TRAPPC11: variants seen among roughly 807,000 people sequenced by gnomAD.
TRAPPC11 encodes the protein foie gras homolog.
In TRAPPC11, 104 loss-of-function variants were observed where a neutral mutation model predicts 151.2. That is an observed-to-expected ratio of 0.69 (90% confidence interval 0.59 to 0.81). The LOEUF is 0.81. Ranked by LOEUF, TRAPPC11 falls within the 30% of genes least tolerant of loss-of-function variation. The probability of loss-of-function intolerance (pLI) is 0.00; values close to 1 mark genes in which losing one functional copy is unlikely to be tolerated. For missense variants in TRAPPC11, 1,230 were observed against 1,349.6 expected (o/e 0.91, Z 1.39); for synonymous variants, 456 against 472.3 (o/e 0.97, Z 0.45).
chr4:183,686,111 T>C (rs1434468883), intron 17 of TRAPPC11, among the ~76,000 whole-genome samples: 2 of 152,084 alleles, frequency 1.3e-5, no homozygotes, highest in African/African-American at 4.8e-5. Flanking sequence ...GTGCTGGGAT[T>C]ACAGGCACGA....
chr4:183,696,826 C>T (rs1049414300), intron 23 of TRAPPC11, among the ~76,000 whole-genome samples: 12 of 152,150 alleles, frequency 7.9e-5, no homozygotes, highest in African/African-American at 1.7e-4. Flanking sequence ...ATGAACATTA[C>T]ATAATACATG....
chr4:183,709,970 CCAT>C (rs530360161), intron 29 of TRAPPC11, among the ~76,000 whole-genome samples: 8 of 152,262 alleles, frequency 5.3e-5, no homozygotes, highest in African/African-American at 1.9e-4. Flanking sequence ...CAGGTGGCCT[CCAT>C]AATGTCCCTT....
chr4:183,665,208 C>G (rs1207636286), intron 2 of TRAPPC11, among the ~76,000 whole-genome samples: 1 of 149,020 alleles, frequency 6.7e-6, no homozygotes, highest in African/African-American at 2.5e-5. Flanking sequence ...CATTCTCCTG[C>G]TTCAGCCTCC....
Position 183,666,352 on chromosome 4 carries a change from C to T in TRAPPC11, c.300C>T (p.Phe100=). ...TGGTGCCAGCCCTGGTGGTTGTGTT[C>T]TATGAACTGGACTGGGATGAGCCTC... The part of the protein sequence containing the change: ...LNLVPALVVV[F]YELDWDEPQW... Residue 100 remains phenylalanine, a synonymous_variant, in exon 3 of 30, where the codon TTC becomes TTT. Transcript: ENST00000334690. 2 of 1,614,084 alleles carry T rather than the reference C, an allele frequency of 1.2e-6. No individual in the cohort carries two copies. The highest frequency in any genetic ancestry group is 1.7e-6 in the Non-Finnish European group (2 of 1,179,962).
intron 17 of TRAPPC11, among the ~76,000 whole-genome samples, chr4:183,685,813 A>G (rs983214304): frequency 3.3e-5 from 5 of 151,952 alleles, no homozygotes; most frequent in African/African-American, 1.2e-4. Context: ...ATTTTATTTT[A>G]TATTATTTAT....
chr4:183,697,435 T>A, intron 23 of TRAPPC11, 68 bp from the exon 24 acceptor site: 2 of 1,416,088 alleles, frequency 1.4e-6, no homozygotes, highest in South Asian at 2.5e-5. Context: ...TGATAGGTTG[T>A]GTTTTTTAAA....
In TRAPPC11 at chr4:183,663,484, A is replaced by T. The variant is rs184113014; in HGVS notation, c.-21-363A>T. Reference sequence around the variant, plus strand: ...TCCTGACCTCGTGATCTGCCCACCTAGGCCTCCCAAAGTGCTGGGATTACA... The same window carrying T: ...TCCTGACCTCGTGATCTGCCCACCTTGGCCTCCCAAAGTGCTGGGATTACA... On this transcript the variant is annotated intron_variant, in intron 1 of 29. Coordinates refer to ENST00000334690, the MANE Select transcript of TRAPPC11 (RefSeq NM_021942.6). 5.3e-3 allele frequency among the ~76,000 whole-genome samples: 805 copies of T among 151,804 alleles called. 9 individuals are homozygous for T. The highest frequency in any genetic ancestry group is 0.01 in the Middle Eastern group (3 of 294).
intron 1 of TRAPPC11, among the ~76,000 whole-genome samples, chr4:183,660,903 G>T (rs12648277): frequency 6.6e-6 from 1 of 151,512 alleles, no homozygotes. Context: ...TAGTAGAGAC[G>T]GGGTTTCACC....
At chr4:183,691,286 C>G (rs752763157) in intron 18 of TRAPPC11, 30 bp from the exon 19 acceptor site, 4 of 1,434,850 alleles carry the variant, frequency 2.8e-6, no homozygotes, top group Non-Finnish European at 2.8e-6. Context: ...AGACATCTGA[C>G]ATTTGATGAC....
At chr4:183,665,265 TC>T (rs1162730997) in intron 2 of TRAPPC11, among the ~76,000 whole-genome samples, 4 of 151,886 alleles carry the variant, frequency 2.6e-5, no homozygotes, top group Admixed American at 6.6e-5. Context: ...CAGCTAATTT[TC>T]TGTATTTTTA....
intron 4 of TRAPPC11, among the ~76,000 whole-genome samples, chr4:183,667,568 G>GT (rs1165450521): frequency 1.3e-5 from 2 of 152,116 alleles, no homozygotes; most frequent in East Asian, 3.8e-4. Flanking sequence ...AGGATTTGTA[G>GT]TTTTCTCTTG....
Position 183,680,265 on chromosome 4 carries a change from G to A in TRAPPC11, c.1111G>A (p.Glu371Lys). ...KQLAKTLCNH[E>K]ASVMYPNPDP... is the part of the protein sequence containing the mutation. ...GCTTGCAAAAACCCTCTGTAACCAC[G>A]AAGTAAGTTACTCACTCCGTATTAT... Residue 371 changes from glutamate (E) to lysine (K), a missense_variant and splice_region_variant, in exon 10 of 30, where the codon GAA becomes AAA. Coordinates refer to ENST00000334690, the MANE Select transcript of TRAPPC11 (RefSeq NM_021942.6). 1 of 1,613,706 alleles carries A rather than the reference G, an allele frequency of 6.2e-7. No homozygotes were observed. Among genetic ancestry groups the A allele is most frequent in the Non-Finnish European group, 8.5e-7 (1 of 1,179,896 alleles).
At chr4:183,687,669 G>A (rs1304004726) in intron 18 of TRAPPC11, among the ~76,000 whole-genome samples, 1 of 151,610 alleles carries the variant, frequency 6.6e-6, no homozygotes, top group Non-Finnish European at 1.5e-5. Flanking sequence ...TCCAAATAAG[G>A]TATATTCAGA....
rs192909708 is a variant in TRAPPC11 at position 183,692,771 on chromosome 4, C to A, written c.2050-189C>A. Among the ~76,000 whole-genome samples the A allele has an allele frequency of 2.6e-5, 4 of 152,174 alleles. No homozygotes were observed. The East Asian group carries it at 7.7e-4, about 29-fold the overall frequency. On this transcript the variant is annotated intron_variant, in intron 19 of 29. Transcript: ENST00000334690. ...GTTTTAAAGGTGAAGAAGTTGGAACCCAGAGCGCAGTTAGTCTCTGTCCCA... is the reference window on the plus strand; with the variant it reads ...GTTTTAAAGGTGAAGAAGTTGGAACACAGAGCGCAGTTAGTCTCTGTCCCA...
Position 183,664,067 on chromosome 4 carries a change from C to T in TRAPPC11, c.200C>T (p.Pro67Leu). 6.2e-7 allele frequency: 1 copy of T among 1,611,764 alleles called. No individual in the cohort carries two copies. The highest frequency in any genetic ancestry group is 8.5e-7 in the Non-Finnish European group (1 of 1,179,306). The change falls in exon 2 of 30, where the codon CCC (proline) becomes CTC (leucine). Residue 67 changes from proline to leucine, a missense_variant. Pro to Leu is a moderately conservative substitution (Grantham distance 98). Transcript: ENST00000334690. ...PGDHEYPKCR[P>L]KRTSYEWYIP... is the part of the protein sequence containing the mutation. ...GACCATGAGTATCCCAAATGTAGAC[C>T]CAAGGTAATGGCATTGTGATGGCAT...
At chr4:183,699,085 C>A (rs1458745894) in intron 25 of TRAPPC11, among the ~76,000 whole-genome samples, 1 of 152,182 alleles carries the variant, frequency 6.6e-6, no homozygotes, top group South Asian at 2.1e-4. Flanking sequence ...CACTGGACCT[C>A]ACCTGGTCAG....
At chr4:183,682,700 A>G in intron 10 of TRAPPC11, 32 bp from the exon 11 acceptor site, 1 of 1,496,512 alleles carries the variant, frequency 6.7e-7, no homozygotes, top group African/African-American at 1.4e-5. Context: ...AGTTCCATAA[A>G]CTATTATTTA....
At chr4:183,681,474 T>C (rs565476016) in intron 10 of TRAPPC11, among the ~76,000 whole-genome samples, 2 of 152,302 alleles carry the variant, frequency 1.3e-5, no homozygotes, top group East Asian at 3.9e-4. Flanking sequence ...TTAATAAATA[T>C]CATTGGTTAA....
Position 183,708,707 on chromosome 4 carries a change from G to A in TRAPPC11, c.3357+133G>A. ...TTTTGCCTTTTATTATATGTATTTGGCAGTATTGCTGTTCATTTCTATAGT... is the reference window on the plus strand; with the variant it reads ...TTTTGCCTTTTATTATATGTATTTGACAGTATTGCTGTTCATTTCTATAGT... On this transcript the variant is annotated intron_variant, in intron 29 of 29. Coordinates refer to ENST00000334690, the MANE Select transcript of TRAPPC11 (RefSeq NM_021942.6). 4.1e-6 allele frequency: 3 copies of A among 736,464 alleles called. 1 individual carries two copies. In the South Asian group the frequency reaches 5.6e-5, roughly 14 times the overall value. The allele number at this position is 736,464 out of a possible 1,614,324, so 45.6% of individuals were successfully genotyped here.
Sources: allele counts gnomAD v4.1 joint callset (sites outside exome capture counted in the v4.1 genomes callset), GRCh38; gene constraint gnomAD v4.1.1; transcripts MANE v1.5; gene names NCBI Gene and HGNC (gene_info 2026-07-23, HGNC 2026-07-21).